Variants in SLC71A2 observed in about 807,000 individuals in gnomAD.
SLC71A2 encodes solute carrier family 71 member 2, also known as hippocampus abundant transcript-like 1.
chr9:94,427,894 T>A, the SLC71A2 span, among the ~76,000 whole-genome samples: 5 of 148,770 alleles, frequency 3.4e-5, no homozygotes, highest in Non-Finnish European at 7.4e-5. Context: ...GAGGCCAAGG[T>A]GGATGGATCA....
chr9:94,403,673 T>A, the SLC71A2 span, among the ~76,000 whole-genome samples: 1 of 152,042 alleles, frequency 6.6e-6, no homozygotes, highest in East Asian at 1.9e-4. Flanking sequence ...TTGTTTCTTT[T>A]GAATAGATAG....
the SLC71A2 span, among the ~76,000 whole-genome samples, chr9:94,386,168 C>A: frequency 6.6e-6 from 1 of 152,054 alleles, no homozygotes; most frequent in Non-Finnish European, 1.5e-5. Context: ...ATAAGTCTTT[C>A]ACTTCCTGGG....
chr9:94,403,950 G>T, the SLC71A2 span, among the ~76,000 whole-genome samples: 2 of 152,142 alleles, frequency 1.3e-5, no homozygotes, highest in African/African-American at 4.8e-5. Flanking sequence ...CTTTTGGGAA[G>T]GGTTTATGTC....
At chr9:94,400,208 TATGTACCGAAAAAAGGA>T in the SLC71A2 span, among the ~76,000 whole-genome samples, 959 of 152,104 alleles carry the variant, frequency 6.3e-3, 12 homozygotes, top group African/African-American at 0.022. Flanking sequence ...CTGGGGAGTT[TATGTACCGAAAAAAGGA>T]ATGTAACTAT....
chr9:94,440,082 T>TA, the SLC71A2 span, among the ~76,000 whole-genome samples: 1 of 152,220 alleles, frequency 6.6e-6, no homozygotes, highest in African/African-American at 2.4e-5. Context: ...CACAGATTTT[T>TA]AAAAAACATT....
chr9:94,385,332 C>A, the SLC71A2 span, among the ~76,000 whole-genome samples: 1 of 152,044 alleles, frequency 6.6e-6, no homozygotes, highest in Non-Finnish European at 1.5e-5. Context: ...AAGCTTTTGC[C>A]CTATGTTTTC....
At chr9:94,401,472 A>C in the SLC71A2 span, among the ~76,000 whole-genome samples, 3 of 152,120 alleles carry the variant, frequency 2.0e-5, no homozygotes, top group African/African-American at 7.2e-5. Context: ...GCGCCCAGCA[A>C]TGAACATCTT....
chr9:94,409,129 C>CTTTTTTTTTTTT, the SLC71A2 span, among the ~76,000 whole-genome samples: 52 of 68,238 alleles, frequency 7.6e-4, 4 homozygotes, highest in African/African-American at 3.7e-3. Context: ...GCCCGGCCTC[C>CTTTTTTTTTTTT]TTTTTTTTTT....
At chr9:94,388,912 C>T in the SLC71A2 span, among the ~76,000 whole-genome samples, 105,090 of 152,064 alleles carry the variant, frequency 0.69, 36,643 homozygotes, top group Middle Eastern at 0.76. Flanking sequence ...TTCCTGGTCC[C>T]GAGTGTTTGG....
the SLC71A2 span, chr9:94,438,378 C>T: frequency 3.7e-6 from 6 of 1,613,878 alleles, no homozygotes; most frequent in African/African-American, 1.3e-5. Flanking sequence ...TAAAACTAAC[C>T]TTTGCTTTGG....
At chr9:94,394,759 A>AT in the SLC71A2 span, among the ~76,000 whole-genome samples, 2 of 121,056 alleles carry the variant, frequency 1.7e-5, no homozygotes, top group Non-Finnish European at 3.6e-5. Context: ...TAGATGGAAC[A>AT]TTTTACTAAC....
chr9:94,391,342 A>G, the SLC71A2 span, among the ~76,000 whole-genome samples: 6 of 151,084 alleles, frequency 4.0e-5, no homozygotes, highest in Admixed American at 4.0e-4. Context: ...CAGCCTGTGC[A>G]ACAGAGCGAG....
At chr9:94,458,719 A>G in the SLC71A2 span, among the ~76,000 whole-genome samples, 1 of 152,226 alleles carries the variant, frequency 6.6e-6, no homozygotes, top group Admixed American at 6.5e-5. Flanking sequence ...TTCTCTGGAT[A>G]AGCCCAGGCT....
the SLC71A2 span, among the ~76,000 whole-genome samples, chr9:94,425,287 G>C: frequency 1.3e-5 from 2 of 152,166 alleles, no homozygotes; most frequent in Non-Finnish European, 2.9e-5. Context: ...CTGGGTGACA[G>C]AGTGAGACTT....
the SLC71A2 span, among the ~76,000 whole-genome samples, chr9:94,458,112 A>G: frequency 1.6e-4 from 25 of 152,168 alleles, no homozygotes; most frequent in Admixed American, 1.6e-3. Context: ...ATATGTTTTT[A>G]TGATTTTATA....
the SLC71A2 span, among the ~76,000 whole-genome samples, chr9:94,425,955 A>G: frequency 2.0e-5 from 3 of 152,078 alleles, no homozygotes; most frequent in Non-Finnish European, 4.4e-5. Flanking sequence ...TCAAGTTTAC[A>G]GTCAGGCTGT....
chr9:94,452,614 AATAT>A, the SLC71A2 span, among the ~76,000 whole-genome samples: 16 of 141,064 alleles, frequency 1.1e-4, 1 homozygote, highest in Non-Finnish European at 1.7e-4. Flanking sequence ...AGAGAGGGAG[AATAT>A]ATATATATAT....
chr9:94,400,083 T>C, the SLC71A2 span, among the ~76,000 whole-genome samples: 3 of 152,008 alleles, frequency 2.0e-5, no homozygotes, highest in Non-Finnish European at 2.9e-5. Context: ...AGTTCTGGGA[T>C]TACACCCAGA....
chr9:94,394,479 G>A, the SLC71A2 span, among the ~76,000 whole-genome samples: 42 of 92,248 alleles, frequency 4.6e-4, 1 homozygote, highest in African/African-American at 1.1e-3. Flanking sequence ...ATGAAGTCTC[G>A]CTCTGTCACC....
Sources: allele counts gnomAD v4.1 joint callset (sites outside exome capture counted in the v4.1 genomes callset), GRCh38; gene constraint gnomAD v4.1.1; transcripts MANE v1.5; gene names NCBI Gene and HGNC (gene_info 2026-07-23, HGNC 2026-07-21).